ESYT3: variants seen among roughly 807,000 people sequenced by gnomAD.
The protein encoded by ESYT3 is extended synaptotagmin-3.
Under a neutral mutation model 111.5 loss-of-function variants are expected in ESYT3, and 101 were observed. The observed-to-expected ratio is 0.91, with a 90% CI of 0.77 to 1.07. The LOEUF (loss-of-function observed/expected upper bound fraction) is 1.07. Ranked by LOEUF, ESYT3 falls within the 50% of genes least tolerant of loss-of-function variation. ESYT3 has a pLI of 0.00. For synonymous variants in ESYT3, 416 were observed against 446.8 expected (o/e 0.93, Z 0.87); for missense variants, 1,097 against 1,109.4 (o/e 0.99, Z 0.16).
intron 17 of ESYT3, 103 bp downstream of exon 17, chr3:138,471,129 G>C: frequency 1.1e-6 from 1 of 895,800 alleles, no homozygotes; most frequent in Non-Finnish European, 1.8e-6. Context: ...CCTGGAAGAA[G>C]CCAGGAGATG....
chr3:138,463,120 A>G (rs1210133049), intron 8 of ESYT3, among the ~76,000 whole-genome samples: 1 of 151,082 alleles, frequency 6.6e-6, no homozygotes, highest in East Asian at 2.0e-4. Flanking sequence ...GGTGGCGGGG[A>G]GTCTTGCTCT....
In ESYT3 at chr3:138,434,914, T is replaced by C. The variant is rs2030516483; in HGVS notation, c.116T>C (p.Val39Ala). The C allele has an allele frequency of 6.4e-7, 1 of 1,551,392 alleles. No homozygotes were observed. ...CTGCTGCCCGAGCTCTGTACCTTCG[T>C]GGTGCGCGTGCTGTTCTACCTGGGG... ...SQLLPELCTF[V>A]VRVLFYLGPV... The change falls in exon 1 of 23, where the codon GTG becomes GCG. Residue 39 changes from valine (V) to alanine (A), a missense_variant. Physicochemically the swap from Val to Ala is moderately conservative, Grantham distance 64. Transcript: ENST00000389567.
At chr3:138,475,831 A>G (rs1189134208) in intron 20 of ESYT3, among the ~76,000 whole-genome samples, 1 of 152,180 alleles carries the variant, frequency 6.6e-6, no homozygotes, top group Non-Finnish European at 1.5e-5. Flanking sequence ...CGGGAGGCTG[A>G]GGCAGAATTG....
chr3:138,448,260 T>A (rs1576428813), intron 1 of ESYT3, among the ~76,000 whole-genome samples: 1 of 63,902 alleles, frequency 1.6e-5, no homozygotes, highest in Non-Finnish European at 2.7e-5. Context: ...AAAATGAAAC[T>A]CGATCTAAAA....
intron 1 of ESYT3, among the ~76,000 whole-genome samples, chr3:138,447,208 A>G (rs958662741): frequency 4.6e-5 from 7 of 152,238 alleles, no homozygotes; most frequent in Non-Finnish European, 1.0e-4. Flanking sequence ...GATAAAGCAT[A>G]TTAGAAGGAC....
intron 9 of ESYT3, among the ~76,000 whole-genome samples, 163 bp from the exon 10 acceptor site, chr3:138,465,176 C>T (rs2032862200): frequency 6.6e-6 from 1 of 152,222 alleles, no homozygotes; most frequent in Admixed American, 6.5e-5. Context: ...TCTTCTCTTC[C>T]CCCCGAAGGG....
At chr3:138,457,702 C>T in intron 4 of ESYT3, 58 bp downstream of exon 4, 1 of 1,526,304 alleles carries the variant, frequency 6.6e-7, no homozygotes, top group Non-Finnish European at 9.1e-7. Flanking sequence ...GTGGGAACAG[C>T]CAGTTTGAAG....
At position 138,473,702 on chromosome 3, in the gene ESYT3, A is replaced by G; in HGVS notation, c.2336+68A>G. On this transcript the variant is annotated intron_variant, in intron 19 of 22. Transcript: ENST00000389567. ...GGTGACCATAAATCAGAGTAGGGAC[A>G]CTCAGAGCAATGAAAAGGGCACATA... 3.0e-6 allele frequency: 4 copies of G among 1,347,954 alleles called. No homozygotes were observed. In the South Asian group the frequency reaches 3.6e-5, roughly 12 times the overall value. 83.5% of individuals were successfully genotyped at this position (1,347,954 alleles called of 1,614,324 possible). A position where few individuals can be genotyped will look rare whatever the true frequency, so the allele number is the denominator to read the frequency against.
intron 17 of ESYT3, among the ~76,000 whole-genome samples, chr3:138,471,814 G>A (rs1314614394): frequency 6.6e-6 from 1 of 152,148 alleles, no homozygotes; most frequent in Non-Finnish European, 1.5e-5. Context: ...GATCCCATAG[G>A]TAGCTCATAT....
Position 138,470,056 on chromosome 3 carries a change from C to G in ESYT3, c.1504-4C>G. On this transcript the variant is annotated splice_region_variant and splice_polypyrimidine_tract_variant and intron_variant, in intron 15 of 22. Transcript: ENST00000389567. ...TCAATGATCTCTCCCTCTTCTGTTC[C>G]CAGACCTGTCCCCACAACAAGGACC... is the stretch of plus-strand genomic sequence containing the variant. 1 of 1,611,866 alleles carries G rather than the reference C, an allele frequency of 6.2e-7. No homozygotes were observed. The highest frequency in any genetic ancestry group is 2.2e-5 in the East Asian group (1 of 44,800).
At chr3:138,469,590 A>C in intron 15 of ESYT3, 86 bp downstream of exon 15, 2 of 1,111,650 alleles carry the variant, frequency 1.8e-6, no homozygotes, top group Non-Finnish European at 2.7e-6. Context: ...AGGGGAATTA[A>C]CTTATGGTGA....
At chr3:138,458,368 C>T (rs960145549) in intron 4 of ESYT3, among the ~76,000 whole-genome samples, 1 of 152,232 alleles carries the variant, frequency 6.6e-6, no homozygotes, top group Non-Finnish European at 1.5e-5. Flanking sequence ...CCCTGGGGCG[C>T]TGCCACAAGG....
chr3:138,472,610 G>T lies in ESYT3; in HGVS notation c.1988G>T (p.Gly663Val). The change falls in exon 18 of 23, where the codon GGC (glycine) becomes GTC (valine). Residue 663 changes from glycine to valine, a missense_variant. Transcript: ENST00000389567. Reference sequence around the variant, plus strand: ...ACTGAGCCCACATCCCAAGAGACAGGCCCAGAGCCTAAAGGCAAGGACAGT... The same window carrying T: ...ACTGAGCCCACATCCCAAGAGACAGTCCCAGAGCCTAAAGGCAAGGACAGT... ...VATEPTSQETGPEPKGKDSAK... is the reference protein window; with the variant it reads ...VATEPTSQETVPEPKGKDSAK... The T allele has an allele frequency of 6.2e-7, 1 of 1,614,186 alleles. No individual in the cohort carries two copies.
chr3:138,446,893 G>A (rs1380602893), intron 1 of ESYT3, among the ~76,000 whole-genome samples: 1 of 152,114 alleles, frequency 6.6e-6, no homozygotes, highest in Non-Finnish European at 1.5e-5. Context: ...ACAATAGTCA[G>A]GCGTGGTGGT....
intron 19 of ESYT3, 123 bp from the exon 20 acceptor site, chr3:138,474,098 A>AT: frequency 7.7e-7 from 1 of 1,306,252 alleles, no homozygotes; most frequent in Admixed American, 2.2e-5. Context: ...TGAATGGCTA[A>AT]TATAGCCTTC....
intron 9 of ESYT3, 101 bp downstream of exon 9, chr3:138,464,616 C>T (rs1480784085): frequency 5.4e-6 from 7 of 1,288,624 alleles, no homozygotes; most frequent in Non-Finnish European, 6.6e-6. Context: ...TGGAGACAGG[C>T]AGGTCTGTGG....
At chr3:138,451,525 T>G (rs1251491452) in intron 1 of ESYT3, among the ~76,000 whole-genome samples, 2 of 152,234 alleles carry the variant, frequency 1.3e-5, no homozygotes, top group African/African-American at 2.4e-5. Context: ...GGATGGAATT[T>G]GCAAGGAGCA....
Position 138,472,684 on chromosome 3 carries a change from A to G in ESYT3, c.2062A>G (p.Ile688Val), listed in dbSNP as rs563182087. The G allele has an allele frequency of 1.4e-5, 22 of 1,614,164 alleles. No individual in the cohort carries two copies. The East Asian group carries it at 4.9e-4, about 36-fold the overall frequency. The change falls in exon 18 of 23, where the codon ATC becomes GTC. Residue 688 changes from isoleucine (I) to valine (V), a missense_variant. By Grantham distance (29) the Ile-to-Val change is conservative. Transcript: ENST00000389567. ...PIGEKKSPATIFLTVPGPHSP... is the reference protein window; with the variant it reads ...PIGEKKSPATVFLTVPGPHSP... ...CGGGGAGAAGAAGAGTCCAGCCACC[A>G]TCTTCCTGACTGTCCCAGGTCCCCA...
intron 10 of ESYT3, among the ~76,000 whole-genome samples, chr3:138,466,612 C>T (rs1432543089): frequency 6.6e-6 from 1 of 152,172 alleles, no homozygotes; most frequent in African/African-American, 2.4e-5. Flanking sequence ...TCCCCTCTGG[C>T]TGTCAGGACC....
Sources: gnomAD v4.1 joint callset for allele counts (sites outside exome capture counted in the v4.1 genomes callset) on GRCh38, gnomAD v4.1.1 for gene constraint, MANE v1.5 for transcripts, NCBI Gene and HGNC (gene_info 2026-07-23, HGNC 2026-07-21) for gene names.